ZRANB2: variants seen among roughly 807,000 people sequenced by gnomAD.
ZRANB2 encodes zinc finger RANBP2-type containing 2.
ZRANB2 carries 19 observed loss-of-function variants against 53.4 expected under a neutral mutation model. The observed-to-expected ratio is 0.36, with a 90% confidence interval of 0.25 to 0.52. The LOEUF (loss-of-function observed/expected upper bound fraction) is 0.52. Among genes scored for constraint, ZRANB2 ranks in the 20% least tolerant of loss-of-function variants. The pLI is 0.93. For missense variants in ZRANB2, 309 were observed against 401.1 expected (o/e 0.77, Z 1.96); for synonymous variants, 145 against 134.8 (o/e 1.08, Z -0.52).
At chr1:71,069,517 A>G (rs559437624) in intron 7 of ZRANB2, 155 bp from the exon 8 acceptor site, 19 of 463,440 alleles carry the variant, frequency 4.1e-5, no homozygotes, top group Non-Finnish European at 5.0e-5. Context: ...TTTAAATTAG[A>G]TAAGATTTAG....
intron 6 of ZRANB2, 133 bp from the exon 7 acceptor site, chr1:71,071,129 T>C: frequency 1.3e-6 from 1 of 746,200 alleles, no homozygotes; most frequent in Non-Finnish European, 1.9e-6. Context: ...TTCTGAATTC[T>C]AAAATTCACC....
intron 9 of ZRANB2, chr1:71,065,633 A>G: frequency 6.4e-7 from 1 of 1,571,290 alleles, no homozygotes; most frequent in Non-Finnish European, 8.6e-7. Context: ...ACAATTTGCT[A>G]TAGGGTTATA....
Position 71,078,652 on chromosome 1 carries a change from T to G in ZRANB2, c.109+4A>C, listed in dbSNP as rs748121440. The G allele has an allele frequency of 1.2e-6, 2 of 1,612,622 alleles. No individual in the cohort carries two copies. The highest frequency in any genetic ancestry group is 3.3e-5 in the Admixed American group (2 of 60,006). ...TATAAATAGAATCTTCTTTAAATAC[T>G]TACCCCGACCACATCGATTACAGCT... is the stretch of plus-strand genomic sequence containing the variant. On this transcript the variant is annotated splice_donor_region_variant and intron_variant, in intron 2 of 9. Coordinates refer to ENST00000370920, the MANE Select transcript of ZRANB2 (RefSeq NM_203350.3).
At chr1:71,080,075 T>C (rs1170994572) in intron 1 of ZRANB2, among the ~76,000 whole-genome samples, 1 of 152,184 alleles carries the variant, frequency 6.6e-6, no homozygotes, top group Admixed American at 6.5e-5. Flanking sequence ...ATTTCAAAGT[T>C]TTTGCTTTTT....
chr1:71,067,644 CA>C, intron 8 of ZRANB2: 1 of 435,976 alleles, frequency 2.3e-6, no homozygotes, highest in South Asian at 1.7e-5. Flanking sequence ...TCAAACTTCC[CA>C]AAAAATTCAC....
rs1229030239 is a variant in ZRANB2 at position 71,063,427 on chromosome 1, A to G, written c.*1647T>C. 6.6e-6 allele frequency: 1 copy of G among 152,498 alleles called. No individual in the cohort carries two copies. Among genetic ancestry groups the G allele is most frequent in the Non-Finnish European group, 1.5e-5 (1 of 67,924 alleles). 9.4% of individuals were successfully genotyped at this position (152,498 alleles called of 1,614,324 possible). On this transcript the variant is annotated 3_prime_UTR_variant, in exon 10 of 10. Coordinates refer to ENST00000370920, the MANE Select transcript of ZRANB2 (RefSeq NM_203350.3). ...CAGCTTAGTTAAACCAAATGAAATC[A>G]TAATCATCAGAATTGTCTGTAAACT...
chr1:71,076,927 T>A (rs754207159), intron 3 of ZRANB2, 50 bp from the exon 4 acceptor site: 1 of 1,327,716 alleles, frequency 7.5e-7, no homozygotes, highest in Non-Finnish European at 1.1e-6. Flanking sequence ...TAGATGAATA[T>A]CAAATTTTTA....
chr1:71,069,233 A>G (rs1573053222), intron 8 of ZRANB2, 43 bp downstream of exon 8: 1 of 1,508,738 alleles, frequency 6.6e-7, no homozygotes, highest in Non-Finnish European at 9.0e-7. Context: ...CAGCCTTTAA[A>G]TATTTTTCTC....
At position 71,072,011 on chromosome 1, in the gene ZRANB2, A is replaced by G. The variant is rs955433021; in HGVS notation, c.513+110T>C. 7.5e-6 allele frequency: 11 copies of G among 1,457,346 alleles called. No homozygotes were observed. The African/African-American group carries it at 1.6e-4, about 21-fold the overall frequency. The allele number at this position is 1,457,346 out of a possible 1,614,324, so 90.3% of individuals were successfully genotyped here. A position where few individuals can be genotyped will look rare whatever the true frequency, so the allele number is the denominator to read the frequency against. ...AAATCCAAAACCTTTGTGAGAACAA[A>G]TGAAAACACAGAATATATTTTCACC... On this transcript the variant is annotated intron_variant, in intron 6 of 9. Transcript: ENST00000370920.
rs1003791219 is a variant in ZRANB2 at position 71,078,801 on chromosome 1, T to C, written c.57-93A>G. 17 of 1,063,174 alleles carry C rather than the reference T, an allele frequency of 1.6e-5. No individual in the cohort carries two copies. The Admixed American group carries it at 3.5e-4, about 22-fold the overall frequency. The allele number at this position is 1,063,174 out of a possible 1,614,324, so 65.9% of individuals were successfully genotyped here. A position where few individuals can be genotyped will look rare whatever the true frequency, so the allele number is the denominator to read the frequency against. On this transcript the variant is annotated intron_variant, in intron 1 of 9. Coordinates refer to ENST00000370920, the MANE Select transcript of ZRANB2 (RefSeq NM_203350.3). ...CACTACATATCTGGAATTCATAACT[T>C]CTAATCCATCTTAGTCATGTTAATG...
At chr1:71,072,036 C>G in intron 6 of ZRANB2, 85 bp downstream of exon 6, 1 of 1,508,168 alleles carries the variant, frequency 6.6e-7, no homozygotes, top group East Asian at 2.3e-5. Context: ...ATATTTTCAC[C>G]AAGTGTCTGA....
chr1:71,064,899 A>G lies in ZRANB2; in HGVS notation c.*175T>C. The G allele has an allele frequency of 2.2e-6, 1 of 461,848 alleles. No homozygotes were observed. The highest frequency in any genetic ancestry group is 3.4e-5 in the East Asian group (1 of 29,698). 28.6% of individuals were successfully genotyped at this position (461,848 alleles called of 1,614,324 possible). ...CTATTTTGGGACATTATGGCTTAAA[A>G]TGCTATTTACTTTTAACTTCACAAA... is the stretch of plus-strand genomic sequence containing the variant. On this transcript the variant is annotated 3_prime_UTR_variant, in exon 10 of 10. Transcript: ENST00000370920.
At chr1:71,070,412 A>C (rs1416477079) in intron 7 of ZRANB2, among the ~76,000 whole-genome samples, 1 of 152,176 alleles carries the variant, frequency 6.6e-6, no homozygotes, top group Non-Finnish European at 1.5e-5. Flanking sequence ...CAAACTATTA[A>C]AAACATTATG....
chr1:71,067,965 C>A (rs1476491260), intron 8 of ZRANB2, among the ~76,000 whole-genome samples: 1 of 150,416 alleles, frequency 6.6e-6, no homozygotes, highest in Non-Finnish European at 1.5e-5. Flanking sequence ...CACCCTTAAT[C>A]TCCAGGGCTC....
chr1:71,071,901 G>A (rs758669002), intron 6 of ZRANB2, among the ~76,000 whole-genome samples: 2 of 152,088 alleles, frequency 1.3e-5, no homozygotes, highest in Admixed American at 6.6e-5. Context: ...CTAGAACTGT[G>A]TAAGAGAAAA....
intron 7 of ZRANB2, among the ~76,000 whole-genome samples, chr1:71,070,044 T>C (rs1226512955): frequency 6.6e-6 from 1 of 152,172 alleles, no homozygotes; most frequent in African/African-American, 2.4e-5. Flanking sequence ...TAGCCCCACT[T>C]TGTTAAGCTT....
In ZRANB2 at chr1:71,065,734, G is replaced by A. The variant is rs371473086; in HGVS notation, c.930-597C>T. ...GGCCCTGGGCTCAGGGTTGTTTAGT[G>A]TTTTCACCAATCACCTGGCTTATGG... On this transcript the variant is annotated intron_variant, in intron 9 of 9. Transcript: ENST00000370920. 3 of 1,612,510 alleles carry A rather than the reference G, an allele frequency of 1.9e-6. No homozygotes were observed. The African/African-American group carries it at 4.0e-5, about 22-fold the overall frequency.
chr1:71,076,675 C>T (rs1661717838), intron 4 of ZRANB2, 120 bp downstream of exon 4: 2 of 750,546 alleles, frequency 2.7e-6, no homozygotes, highest in South Asian at 3.4e-5. Context: ...AACAAACATT[C>T]AGGGCAGAAT....
chr1:71,080,709 C>T (rs1057320356), intron 1 of ZRANB2, among the ~76,000 whole-genome samples: 42 of 152,022 alleles, frequency 2.8e-4, no homozygotes, highest in Non-Finnish European at 5.1e-4. Context: ...GAGAGGCTAC[C>T]TTGCGGAGGT....
Sources: gnomAD v4.1 joint callset for allele counts (sites outside exome capture counted in the v4.1 genomes callset) on GRCh38, gnomAD v4.1.1 for gene constraint, MANE v1.5 for transcripts, NCBI Gene and HGNC (gene_info 2026-07-23, HGNC 2026-07-21) for gene names.